The following RALGAPA2 variants were observed in gnomAD, a reference collection of about 807,000 sequenced individuals.
RALGAPA2 encodes the protein Ral GTPase activating protein catalytic subunit alpha 2.
In RALGAPA2, 139 loss-of-function variants were observed where a neutral mutation model predicts 230.4. That is an observed-to-expected ratio of 0.60 (90% CI 0.53 to 0.69). The LOEUF is 0.69. Among genes scored for constraint, RALGAPA2 ranks in the 30% least tolerant of loss-of-function variants. The pLI, the probability that RALGAPA2 is intolerant of heterozygous loss-of-function variation, is 0.00. For missense variants in RALGAPA2, 2,163 were observed against 2,276.0 expected, an observed-to-expected ratio of 0.95 and a Z score of 1.01; for synonymous variants, 847 against 837.8, an observed-to-expected ratio of 1.01 and a Z score of -0.19.
intron 13 of RALGAPA2, among the ~76,000 whole-genome samples, chr20:20,615,427 G>T (rs2066108622): frequency 6.6e-6 from 1 of 152,010 alleles, no homozygotes. Context: ...CTCCCAAAGT[G>T]CTGGAATTAC....
intron 18 of RALGAPA2, among the ~76,000 whole-genome samples, chr20:20,586,894 C>A (rs952286595): frequency 6.6e-6 from 1 of 151,640 alleles, no homozygotes; most frequent in Non-Finnish European, 1.5e-5. Context: ...AGGAGGAAAG[C>A]AAAGAGAGAA....
chr20:20,567,745 C>T (rs970768055), intron 23 of RALGAPA2, among the ~76,000 whole-genome samples: 1 of 151,438 alleles, frequency 6.6e-6, no homozygotes, highest in South Asian at 2.1e-4. Context: ...GTAATCCCAG[C>T]ATTTTGGGAG....
chr20:20,616,901 C>T (rs2066161912), intron 12 of RALGAPA2, among the ~76,000 whole-genome samples: 1 of 152,178 alleles, frequency 6.6e-6, no homozygotes, highest in African/African-American at 2.4e-5. Flanking sequence ...TGCCTCAGAC[C>T]TTTAGCATAC....
chr20:20,405,301 T>TG (rs2059922993), intron 38 of RALGAPA2, among the ~76,000 whole-genome samples: 2 of 151,890 alleles, frequency 1.3e-5, no homozygotes, highest in Non-Finnish European at 1.5e-5. Context: ...GCCATTTTTT[T>TG]TGTGTGTGGC....
intron 38 of RALGAPA2, among the ~76,000 whole-genome samples, chr20:20,401,571 T>C (rs1425224640): frequency 6.6e-6 from 1 of 152,194 alleles, no homozygotes; most frequent in Non-Finnish European, 1.5e-5. Context: ...GTGTGATTTG[T>C]CCCAAGATAC....
chr20:20,448,717 C>A (rs1422973099), intron 37 of RALGAPA2, among the ~76,000 whole-genome samples: 1 of 151,814 alleles, frequency 6.6e-6, no homozygotes, highest in Non-Finnish European at 1.5e-5. Flanking sequence ...GAAGGAAAAA[C>A]CTCAAAGTAA....
At chr20:20,672,555 A>C (rs2068173333) in intron 3 of RALGAPA2, among the ~76,000 whole-genome samples, 1 of 152,244 alleles carries the variant, frequency 6.6e-6, no homozygotes, top group Non-Finnish European at 1.5e-5. Flanking sequence ...TTGGTAAAGT[A>C]GCAGATTTGT....
At chr20:20,523,127 T>C (rs2145467391) in intron 30 of RALGAPA2, among the ~76,000 whole-genome samples, 1 of 152,288 alleles carries the variant, frequency 6.6e-6, no homozygotes, top group East Asian at 1.9e-4. Flanking sequence ...GGTTTCTTAC[T>C]AAAAGAATAA....
intron 31 of RALGAPA2, among the ~76,000 whole-genome samples, chr20:20,514,516 A>G (rs2062813148): frequency 2.6e-5 from 4 of 151,540 alleles, no homozygotes. Context: ...GGTATTCGGC[A>G]CACTTCCTCA....
chr20:20,680,766 C>CA lies in RALGAPA2; in HGVS notation c.141dup (p.Glu48Ter). On this transcript the variant is annotated frameshift_variant, in exon 2 of 40. Transcript: ENST00000202677. LOFTEE classifies it high-confidence loss of function. ...AAATATATCTGAGAATAGTTGGTCT[C>CA]AAAAAACTGCTTAAGATCATTTGCA... 6.3e-7 allele frequency: 1 copy of CA among 1,588,552 alleles called. No homozygotes were observed. Among genetic ancestry groups the CA allele is most frequent in the Non-Finnish European group, 8.5e-7 (1 of 1,171,176 alleles).
chr20:20,574,746 C>T (rs1297787252), intron 20 of RALGAPA2, among the ~76,000 whole-genome samples: 1 of 152,154 alleles, frequency 6.6e-6, no homozygotes, highest in Non-Finnish European at 1.5e-5. Context: ...CTTCTCAGGC[C>T]CTTTTTAGAC....
At chr20:20,653,089 T>C (rs1042772707) in intron 4 of RALGAPA2, among the ~76,000 whole-genome samples, 2 of 147,152 alleles carry the variant, frequency 1.4e-5, no homozygotes, top group African/African-American at 2.5e-5. Flanking sequence ...CCAGCTACTC[T>C]GGAGGCTGAG....
At chr20:20,481,262 A>G (rs1461887093) in intron 36 of RALGAPA2, among the ~76,000 whole-genome samples, 2 of 152,216 alleles carry the variant, frequency 1.3e-5, no homozygotes, top group Non-Finnish European at 2.9e-5. Flanking sequence ...AATGATCTGA[A>G]ATACCCATTT....
At chr20:20,526,870 C>T (rs1219634823) in intron 27 of RALGAPA2, among the ~76,000 whole-genome samples, 2 of 152,152 alleles carry the variant, frequency 1.3e-5, no homozygotes, top group African/African-American at 2.4e-5. Context: ...GTATAACATA[C>T]TAAGAATGTG....
chr20:20,427,691 C>T (rs1324503649), intron 37 of RALGAPA2, among the ~76,000 whole-genome samples: 2 of 152,156 alleles, frequency 1.3e-5, no homozygotes, highest in African/African-American at 2.4e-5. Flanking sequence ...CACTGTCATA[C>T]CAGTGACCGC....
intron 23 of RALGAPA2, among the ~76,000 whole-genome samples, chr20:20,554,625 T>C (rs2064028644): frequency 6.6e-6 from 1 of 152,184 alleles, no homozygotes; most frequent in Non-Finnish European, 1.5e-5. Flanking sequence ...TTTTTAAATT[T>C]TCATTTCTTT....
intron 24 of RALGAPA2, among the ~76,000 whole-genome samples, chr20:20,539,446 G>A (rs1485891338): frequency 6.6e-6 from 1 of 151,756 alleles, no homozygotes; most frequent in Non-Finnish European, 1.5e-5. Context: ...ATTTTGGAAG[G>A]CTACTTTATT....
chr20:20,575,409 T>G (rs530868066), intron 20 of RALGAPA2, among the ~76,000 whole-genome samples: 48 of 152,118 alleles, frequency 3.2e-4, no homozygotes, highest in South Asian at 1.7e-3. Flanking sequence ...GAGTTTGTTT[T>G]TTTTTTTTTT....
In RALGAPA2 at chr20:20,643,553, A is replaced by G; in HGVS notation, c.329-4T>C. Reference sequence around the variant, plus strand: ...AGAAGCTTCTTTAAAGTTGAGCCTGAAAGTTTAAAATAATGAATTATAAAT... The same window carrying G: ...AGAAGCTTCTTTAAAGTTGAGCCTGGAAGTTTAAAATAATGAATTATAAAT... On this transcript the variant is annotated splice_region_variant and splice_polypyrimidine_tract_variant and intron_variant, in intron 4 of 39. Transcript: ENST00000202677. 2 of 1,465,426 alleles carry G rather than the reference A, an allele frequency of 1.4e-6. No homozygotes were observed. Among genetic ancestry groups the G allele is most frequent in the South Asian group, 1.3e-5 (1 of 79,328 alleles). The allele number at this position is 1,465,426 out of a possible 1,614,324, so 90.8% of individuals were successfully genotyped here.
Sources: gnomAD v4.1 joint callset for allele counts (sites outside exome capture counted in the v4.1 genomes callset) on GRCh38, gnomAD v4.1.1 for gene constraint, MANE v1.5 for transcripts, NCBI Gene and HGNC (gene_info 2026-07-23, HGNC 2026-07-21) for gene names.